Variants in METTL15 observed in about 807,000 individuals in gnomAD.
METTL15 encodes 12S rRNA N(4)-cytidine methyltransferase METTL15.
A neutral mutation model predicts 38.3 loss-of-function variants in METTL15; 34 were observed. The observed-to-expected ratio is 0.89, with a 90% confidence interval of 0.68 to 1.18. The LOEUF (loss-of-function observed/expected upper bound fraction) is 1.18, where lower values mean the gene tolerates loss of function less well. Ranked by LOEUF, METTL15 falls within the 50% of genes most tolerant of loss-of-function variation. The pLI is 0.00. For missense variants in METTL15, 438 were observed against 498.4 expected (o/e 0.88, Z 1.15); for synonymous variants, 162 against 170.9 (o/e 0.95, Z 0.41).
chr11:28,525,111 T>A (rs1851798504), intron 6 of METTL15, among the ~76,000 whole-genome samples: 1 of 152,164 alleles, frequency 6.6e-6, no homozygotes, highest in Admixed American at 6.5e-5. Flanking sequence ...GCTGTGAGTG[T>A]TATAGCTCAT....
At chr11:28,182,470 C>G (rs1448631543) in intron 3 of METTL15, among the ~76,000 whole-genome samples, 1 of 151,830 alleles carries the variant, frequency 6.6e-6, no homozygotes, top group African/African-American at 2.4e-5. Flanking sequence ...AGTTTTCTGC[C>G]TAGGGCTAGC....
At chr11:28,392,699 A>G (rs1850524090) in intron 5 of METTL15, among the ~76,000 whole-genome samples, 1 of 152,150 alleles carries the variant, frequency 6.6e-6, no homozygotes, top group Non-Finnish European at 1.5e-5. Flanking sequence ...CACAGGAAAC[A>G]ACAGAGTGAA....
chr11:28,180,733 A>G (rs2133782049), intron 3 of METTL15, among the ~76,000 whole-genome samples: 1 of 151,952 alleles, frequency 6.6e-6, no homozygotes, highest in Middle Eastern at 3.4e-3. Flanking sequence ...TAAGAAATAC[A>G]AATGAAAAGA....
At chr11:28,342,479 T>C (rs904600893) in intron 3 of METTL15, among the ~76,000 whole-genome samples, 10 of 151,572 alleles carry the variant, frequency 6.6e-5, no homozygotes, top group Admixed American at 2.0e-4. Context: ...CCCAGCCTGG[T>C]CTTTAATTCC....
At chr11:28,530,023 T>C (rs1287097329), downstream of METTL15, among the ~76,000 whole-genome samples, 1 of 152,072 alleles carries the variant, frequency 6.6e-6, no homozygotes, top group African/African-American at 2.4e-5. Flanking sequence ...GTCTTGGAGC[T>C]ATACATAATT....
chr11:28,433,172 G>GTT (rs72444156), intron 6 of METTL15, among the ~76,000 whole-genome samples: 36 of 77,272 alleles, frequency 4.7e-4, no homozygotes, highest in Non-Finnish European at 8.8e-4. Flanking sequence ...TGTTTTTTTT[G>GTT]TTTTTTTTTG....
intron 6 of METTL15, among the ~76,000 whole-genome samples, chr11:28,505,580 A>G (rs1295533914): frequency 1.3e-5 from 2 of 152,206 alleles, no homozygotes; most frequent in Non-Finnish European, 2.9e-5. Context: ...GAAGACATTT[A>G]TATTCTGCCT....
intron 6 of METTL15, among the ~76,000 whole-genome samples, chr11:28,483,100 A>G (rs1212547227): frequency 6.6e-6 from 1 of 152,116 alleles, no homozygotes; most frequent in Non-Finnish European, 1.5e-5. Flanking sequence ...AGAAAAAAGC[A>G]CTAATAGGAA....
chr11:28,289,402 T>C (rs1856420136), intron 4 of METTL15, among the ~76,000 whole-genome samples: 1 of 152,152 alleles, frequency 6.6e-6, no homozygotes, highest in Non-Finnish European at 1.5e-5. Flanking sequence ...TCCAACACTG[T>C]TGAAATCCAA....
intron 6 of METTL15, among the ~76,000 whole-genome samples, chr11:28,450,573 T>C (rs184961255): frequency 4.2e-4 from 64 of 152,344 alleles, no homozygotes; most frequent in Non-Finnish European, 7.2e-4. Context: ...AGTTAAAGCA[T>C]GTATTTAACA....
intron 4 of METTL15, among the ~76,000 whole-genome samples, chr11:28,243,772 C>G (rs1177732303): frequency 2.6e-5 from 4 of 152,180 alleles, no homozygotes; most frequent in African/African-American, 9.6e-5. Context: ...AACATTGTTT[C>G]CTCATGAGTC....
At chr11:28,219,886 A>T (rs1853108291) in intron 4 of METTL15, among the ~76,000 whole-genome samples, 1 of 152,084 alleles carries the variant, frequency 6.6e-6, no homozygotes, top group African/African-American at 2.4e-5. Flanking sequence ...TGAGTTTCTT[A>T]ATCCTGATTT....
At chr11:28,303,241 G>A (rs189160630) in intron 6 of METTL15, among the ~76,000 whole-genome samples, 36 of 152,210 alleles carry the variant, frequency 2.4e-4, no homozygotes, top group African/African-American at 6.5e-4. Flanking sequence ...CTTGCTGTTT[G>A]TGTAAACTTG....
intron 4 of METTL15, among the ~76,000 whole-genome samples, chr11:28,228,131 T>C (rs1853552698): frequency 6.6e-6 from 1 of 151,890 alleles, no homozygotes; most frequent in Non-Finnish European, 1.5e-5. Flanking sequence ...AGCAGTATAT[T>C]TTTATTCTCA....
At chr11:28,458,808 G>T (rs574497141) in intron 6 of METTL15, among the ~76,000 whole-genome samples, 4 of 152,142 alleles carry the variant, frequency 2.6e-5, no homozygotes, top group African/African-American at 9.7e-5. Context: ...TTTTTCTTAT[G>T]CCACTGTAGT....
intron 6 of METTL15, among the ~76,000 whole-genome samples, chr11:28,427,816 G>A (rs1850878843): frequency 6.6e-6 from 1 of 152,182 alleles, no homozygotes; most frequent in South Asian, 2.1e-4. Context: ...TAGCTTATTG[G>A]CTTAAGAAGC....
At chr11:28,161,909 A>G (rs1850480407) in intron 3 of METTL15, among the ~76,000 whole-genome samples, 1 of 152,170 alleles carries the variant, frequency 6.6e-6, no homozygotes, top group African/African-American at 2.4e-5. Flanking sequence ...AGGGTCACTT[A>G]CAGAGCAGGA....
At chr11:28,253,683 T>G (rs1854848633) in intron 4 of METTL15, among the ~76,000 whole-genome samples, 1 of 140,216 alleles carries the variant, frequency 7.1e-6, no homozygotes, top group Non-Finnish European at 1.5e-5. Flanking sequence ...CTACTCTATA[T>G]CTACATGAGT....
At chr11:28,156,870 A>G (rs950588861) in intron 3 of METTL15, among the ~76,000 whole-genome samples, 1 of 152,210 alleles carries the variant, frequency 6.6e-6, no homozygotes, top group South Asian at 2.1e-4. Context: ...CTTGAAACAC[A>G]AATAAAGGCA....
Sources: gnomAD v4.1 joint callset for allele counts (sites outside exome capture counted in the v4.1 genomes callset) on GRCh38, gnomAD v4.1.1 for gene constraint, MANE v1.5 for transcripts, NCBI Gene and HGNC (gene_info 2026-07-23, HGNC 2026-07-21) for gene names.